The following DIAPH2 variants were observed in gnomAD, a reference collection of about 807,000 sequenced individuals.
The protein encoded by DIAPH2 is protein diaphanous homolog 2.
Under a neutral mutation model 92.7 loss-of-function variants are expected in DIAPH2, and 35 were observed. The ratio of observed to expected loss-of-function variants is 0.38; its 90% CI spans 0.29 to 0.50. DIAPH2 has a LOEUF of 0.50. Ranked by LOEUF, DIAPH2 falls within the 20% of genes least tolerant of loss-of-function variation. The pLI is 0.94. For synonymous variants in DIAPH2, 301 were observed against 280.4 expected (o/e 1.07, Z -0.73); for missense variants, 701 against 819.5 (o/e 0.86, Z 1.77).
intron 15 of DIAPH2, among the ~76,000 whole-genome samples, chrX:96,951,543 A>T (rs2065775338): frequency 9.0e-6 from 1 of 111,596 alleles, no homozygotes; most frequent in African/African-American, 3.3e-5. Flanking sequence ...ATCACGAAGC[A>T]TTCTCAACTC....
rs752479781 is a variant in DIAPH2 at position 97,088,478 on chromosome X, C to T, written c.2248-11216C>T. Among the ~76,000 whole-genome samples the T allele has an allele frequency of 1.5e-4, 17 of 111,859 alleles. No individual in the cohort carries two copies. In the East Asian group the frequency reaches 1.7e-3, roughly 11 times the overall value. ...ATTGGTCATTCTTTTTACTTGTTTTCGAATCAGATGCATGATACAGAGTTT... is the reference window on the plus strand; with the variant it reads ...ATTGGTCATTCTTTTTACTTGTTTTTGAATCAGATGCATGATACAGAGTTT... On this transcript the variant is annotated intron_variant, in intron 19 of 26. Transcript: ENST00000324765.
chrX:97,365,141 G>A (rs922483938), intron 24 of DIAPH2, among the ~76,000 whole-genome samples: 3 of 110,908 alleles, frequency 2.7e-5, no homozygotes, highest in African/African-American at 9.8e-5. Context: ...GACTCTATCT[G>A]TTTTTTATGA....
intron 26 of DIAPH2, among the ~76,000 whole-genome samples, chrX:97,498,033 A>G (rs761131788): frequency 2.7e-5 from 3 of 111,629 alleles, no homozygotes; most frequent in African/African-American, 9.8e-5. Context: ...TCTGACTACA[A>G]CAGTGGCTCT....
chrX:97,114,894 G>A lies in DIAPH2; in HGVS notation c.2518G>A (p.Val840Ile). 8.3e-7 allele frequency: 1 copy of A among 1,209,282 alleles called. No individual in the cohort carries two copies. Among genetic ancestry groups the A allele is most frequent in the African/African-American group, 1.7e-5 (1 of 57,779 alleles). Residue 840 changes from valine to isoleucine, a missense_variant, in exon 21 of 27, where the codon GTT (valine) becomes ATT (isoleucine). Physicochemically the swap from Val to Ile is conservative, Grantham distance 29. Around this residue, in one of 3 missense-constraint regions of DIAPH2, gnomAD observed 536 missense variants for 599.3 expected, o/e 0.89. Transcript: ENST00000324765. ...CAGACTTTTAGAGTTAGTTCTTCTT[G>A]TTGGAAACTACATGAACTCAGGCTC... ...FNRLLELVLL[V>I]GNYMNSGSRN...
At chrX:97,113,645 A>G (rs943829196) in intron 20 of DIAPH2, among the ~76,000 whole-genome samples, 1 of 112,137 alleles carries the variant, frequency 8.9e-6, no homozygotes, top group Non-Finnish European at 1.9e-5. Flanking sequence ...TCTGTATTAG[A>G]GTAGATATGG....
intron 22 of DIAPH2, among the ~76,000 whole-genome samples, chrX:97,145,282 C>CAGTAGTAGTAGTAGTAGTAGTAGT (rs3044923): frequency 5.3e-4 from 49 of 92,104 alleles, no homozygotes; most frequent in African/African-American, 1.4e-3. Flanking sequence ...GAACTACTAC[C>CAGTAGTAGTAGTAGTAGTAGTAGT]AGTAGTAGTA....
chrX:97,432,701 G>A (rs2070140311), intron 26 of DIAPH2, among the ~76,000 whole-genome samples: 1 of 111,293 alleles, frequency 9.0e-6, no homozygotes, highest in Non-Finnish European at 1.9e-5. Context: ...TGGCCAGGCT[G>A]GCCTCAAACT....
At chrX:97,097,996 G>A (rs1009145858) in intron 19 of DIAPH2, among the ~76,000 whole-genome samples, 8 of 111,354 alleles carry the variant, frequency 7.2e-5, no homozygotes, top group Admixed American at 4.8e-4. Context: ...CAAAGGGTGC[G>A]ATATTTTAAA....
intron 23 of DIAPH2, among the ~76,000 whole-genome samples, chrX:97,280,897 A>G (rs1207569012): frequency 3.6e-5 from 4 of 111,905 alleles, no homozygotes; most frequent in Non-Finnish European, 7.5e-5. Context: ...TAAAATTAAA[A>G]CCACCAGATC....
chrX:97,020,541 C>A (rs760983290), intron 17 of DIAPH2, among the ~76,000 whole-genome samples: 72 of 111,839 alleles, frequency 6.4e-4, no homozygotes, highest in African/African-American at 2.3e-3. Context: ...AAGAAACTAA[C>A]AGCTATAATA....
chrX:97,559,382 C>A (rs984887583), intron 26 of DIAPH2, among the ~76,000 whole-genome samples: 7 of 108,993 alleles, frequency 6.4e-5, no homozygotes, highest in Non-Finnish European at 1.3e-4. Flanking sequence ...CCCAGCTACT[C>A]GGGAGGCTGA....
At chrX:97,280,397 C>T (rs1375693208) in intron 23 of DIAPH2, among the ~76,000 whole-genome samples, 1 of 110,494 alleles carries the variant, frequency 9.1e-6, no homozygotes, top group Non-Finnish European at 1.9e-5. Context: ...AGAACGAACC[C>T]GGGAAGTGGA....
chrX:97,358,481 C>A (rs1350287040), intron 24 of DIAPH2, among the ~76,000 whole-genome samples: 3 of 110,870 alleles, frequency 2.7e-5, no homozygotes, highest in Non-Finnish European at 5.7e-5. Flanking sequence ...TTCAGGATTA[C>A]CTGCAAAAGA....
At chrX:96,685,321 C>A in intron 1 of DIAPH2, 131 bp downstream of exon 1, 2 of 777,634 alleles carry the variant, frequency 2.6e-6, no homozygotes, top group African/African-American at 2.2e-5. Context: ...ACTCGGGGAG[C>A]CGCTAAAGGA....
chrX:97,022,309 A>C (rs748106535), intron 17 of DIAPH2, among the ~76,000 whole-genome samples: 1 of 112,188 alleles, frequency 8.9e-6, no homozygotes, highest in African/African-American at 3.2e-5. Flanking sequence ...AGCTGCTTTC[A>C]CTGTTGACAG....
intron 23 of DIAPH2, among the ~76,000 whole-genome samples, chrX:97,323,577 T>G (rs1434051256): frequency 1.2e-4 from 6 of 48,495 alleles, no homozygotes; most frequent in Admixed American, 3.1e-4. Context: ...GGTGACAGAG[T>G]GAGACTCCGT....
intron 17 of DIAPH2, among the ~76,000 whole-genome samples, chrX:97,003,831 T>C (rs2066161401): frequency 8.9e-6 from 1 of 112,003 alleles, no homozygotes; most frequent in Non-Finnish European, 1.9e-5. Context: ...CGTCCATTTT[T>C]GCCTTAGTTG....
intron 20 of DIAPH2, among the ~76,000 whole-genome samples, chrX:97,101,143 T>C (rs1000151525): frequency 5.7e-4 from 64 of 111,835 alleles, no homozygotes; most frequent in African/African-American, 2.0e-3. Context: ...CTAAGCTGCT[T>C]GGATTCATAT....
At chrX:96,917,677 T>C (rs1369186852) in intron 8 of DIAPH2, among the ~76,000 whole-genome samples, 1 of 111,333 alleles carries the variant, frequency 9.0e-6, no homozygotes, top group Non-Finnish European at 1.9e-5. Flanking sequence ...TTTTAGGCAT[T>C]GTGTGGAGAT....
Sources: allele counts gnomAD v4.1 joint callset (sites outside exome capture counted in the v4.1 genomes callset), GRCh38; gene constraint gnomAD v4.1.1; regional missense constraint gnomAD v4.1.1; transcripts MANE v1.5; gene names NCBI Gene and HGNC (gene_info 2026-07-23, HGNC 2026-07-21).